SKP2: variants seen among roughly 807,000 people sequenced by gnomAD.
SKP2 encodes the protein S-phase kinase associated protein 2, also known as S-phase kinase-associated protein 2.
A neutral mutation model predicts 51.8 loss-of-function variants in SKP2; 16 were observed. The observed-to-expected ratio is 0.31, with a 90% confidence interval of 0.21 to 0.47. SKP2 has a LOEUF of 0.47. Ranked by LOEUF, SKP2 falls within the 20% of genes least tolerant of loss-of-function variation. The probability of loss-of-function intolerance (pLI) is 1.00; values close to 1 mark genes in which losing one functional copy is unlikely to be tolerated. For missense variants in SKP2, 377 were observed against 505.3 expected (o/e 0.75, Z 2.43); for synonymous variants, 176 against 198.6 (o/e 0.89, Z 0.96).
intron 2 of SKP2, among the ~76,000 whole-genome samples, chr5:36,160,634 A>G (rs1745094159): frequency 6.6e-6 from 1 of 152,222 alleles, no homozygotes; most frequent in Non-Finnish European, 1.5e-5. Flanking sequence ...CAATTACTAG[A>G]TTCTGATCTA....
intron 6 of SKP2, among the ~76,000 whole-genome samples, chr5:36,190,269 C>A (rs1011583746): frequency 6.6e-6 from 1 of 152,058 alleles, no homozygotes; most frequent in African/African-American, 2.4e-5. Flanking sequence ...GAACCCGGTA[C>A]CCCAGTTGGA....
At position 36,177,261 on chromosome 5, in the gene SKP2, C is replaced by G; in HGVS notation, c.1030C>G (p.Arg344Gly). 2 of 1,609,832 alleles carry G rather than the reference C, an allele frequency of 1.2e-6. No homozygotes were observed. The highest frequency in any genetic ancestry group is 8.5e-7 in the Non-Finnish European group (1 of 1,176,520). ...CTACCTCCAACACCTATCACTCAGT[C>G]GGTGCTATGATATAATACCTGAAAC... ...LNYLQHLSLS[R>G]CYDIIPETLL... The change falls in exon 9 of 10, where the codon CGG becomes GGG. Residue 344 changes from arginine to glycine, a missense_variant. Physicochemically the swap from Arg to Gly is moderately radical, Grantham distance 125. This residue lies in a region of SKP2 where 262 missense variants were observed against 389.8 expected (regional missense o/e 0.67). Coordinates refer to ENST00000274255, the MANE Select transcript of SKP2 (RefSeq NM_005983.4).
chr5:36,158,848 A>G (rs1745034455), intron 2 of SKP2, among the ~76,000 whole-genome samples: 1 of 152,126 alleles, frequency 6.6e-6, no homozygotes, highest in African/African-American at 2.4e-5. Context: ...CCCATCTCCC[A>G]GAGACTACAG....
intron 7 of SKP2, among the ~76,000 whole-genome samples, chr5:36,173,870 C>T (rs956397225): frequency 6.6e-6 from 1 of 152,034 alleles, no homozygotes; most frequent in Admixed American, 6.5e-5. Flanking sequence ...AGACTGGTAC[C>T]AGATGGCCTG....
At position 36,183,933 on chromosome 5, in the gene SKP2, G is replaced by A. The variant is rs1411226052; in HGVS notation, c.*1902G>A. The A allele has an allele frequency of 3.1e-6, 5 of 1,611,322 alleles. No individual in the cohort carries two copies. In the Admixed American group the frequency reaches 6.7e-5, roughly 22 times the overall value. ...CTTCCAAACTCAAGTCCAGCCATAA[G>A]CTATTTTGCCAACATGTCAGAGTAA... On this transcript the variant is annotated 3_prime_UTR_variant, in exon 10 of 10. Coordinates refer to ENST00000274255, the MANE Select transcript of SKP2 (RefSeq NM_005983.4).
Position 36,181,965 on chromosome 5 carries a change from C to T in SKP2, c.1209C>T (p.Asn403=). The T allele has an allele frequency of 6.2e-7, 1 of 1,614,090 alleles. No homozygotes were observed. Among genetic ancestry groups the T allele is most frequent in the Non-Finnish European group, 8.5e-7 (1 of 1,179,980 alleles). Residue 403 remains asparagine, a synonymous_variant, in exon 10 of 10, where the codon AAC becomes AAT. Coordinates refer to ENST00000274255, the MANE Select transcript of SKP2 (RefSeq NM_005983.4). ...CCATTGCCAGGCCAACTATTGGCAA[C>T]AAAAAGAACCAGGAGATATGGGGCA... ...FTTIARPTIG[N]KKNQEIWGIK... is the part of the protein sequence containing the mutation.
At position 36,182,156 on chromosome 5, in the gene SKP2, A is replaced by G. The variant is rs148884909; in HGVS notation, c.*125A>G. ...TTTGCCTTCATTCTGCAAGTATACTAGGGAGCCATTTGAGAGGGAAAACTA... is the reference window on the plus strand; with the variant it reads ...TTTGCCTTCATTCTGCAAGTATACTGGGGAGCCATTTGAGAGGGAAAACTA... On this transcript the variant is annotated 3_prime_UTR_variant, in exon 10 of 10. Coordinates refer to ENST00000274255, the MANE Select transcript of SKP2 (RefSeq NM_005983.4). The G allele has an allele frequency of 2.9e-5, 42 of 1,448,224 alleles. No individual in the cohort carries two copies. In the African/African-American group the frequency reaches 3.9e-4, roughly 13 times the overall value. The allele number at this position is 1,448,224 out of a possible 1,614,324, so 89.7% of individuals were successfully genotyped here.
At chr5:36,165,988 T>C (rs922608954) in intron 3 of SKP2, among the ~76,000 whole-genome samples, 2 of 152,204 alleles carry the variant, frequency 1.3e-5, no homozygotes, top group Non-Finnish European at 2.9e-5. Context: ...AAATATATTA[T>C]AAGGCACAGC....
intron 6 of SKP2, among the ~76,000 whole-genome samples, chr5:36,190,308 G>A (rs796722488): frequency 3.9e-5 from 6 of 152,036 alleles, no homozygotes; most frequent in African/African-American, 1.2e-4. Context: ...ATTCTGCGTC[G>A]CTCACACTGG....
chr5:36,187,434 T>C (rs1386706372), downstream of SKP2, among the ~76,000 whole-genome samples: 1 of 151,722 alleles, frequency 6.6e-6, no homozygotes, highest in Non-Finnish European at 1.5e-5. Flanking sequence ...ATATGTTGTG[T>C]CTTTGTTCTC....
At chr5:36,177,314 T>A (rs1745665853) in intron 9 of SKP2, 22 bp downstream of exon 9, 1 of 1,399,704 alleles carries the variant, frequency 7.1e-7, no homozygotes, top group Non-Finnish European at 1.0e-6. Context: ...TTGTTTTTAA[T>A]GCTTAATAGA....
chr5:36,181,984 T>C lies in SKP2; in HGVS notation c.1228T>C (p.Trp410Arg). ...TGGCAACAAAAAGAACCAGGAGATA[T>C]GGGGCATCAAATGCCGACTGACACT... ...TIGNKKNQEI[W>R]GIKCRLTLQK... Residue 410 changes from tryptophan (W) to arginine (R), a missense_variant, in exon 10 of 10, where the codon TGG becomes CGG. This residue lies in a region of SKP2 where 262 missense variants were observed against 389.8 expected (regional missense o/e 0.67). Transcript: ENST00000274255. 1 of 1,614,146 alleles carries C rather than the reference T, an allele frequency of 6.2e-7. No individual in the cohort carries two copies. The highest frequency in any genetic ancestry group is 8.5e-7 in the Non-Finnish European group (1 of 1,179,990).
intron 4 of SKP2, 110 bp downstream of exon 4, chr5:36,166,772 A>G (rs566813883): frequency 1.1e-6 from 1 of 927,052 alleles, no homozygotes; most frequent in Non-Finnish European, 1.6e-6. Context: ...ATGGTAGGTT[A>G]TCTGTGCAGT....
rs1319879278 is a variant in SKP2, at chr5:36,168,319, T to A, written c.543T>A (p.Phe181Leu). ...DQPLAEHFSP[F>L]RVQHMDLSNS... The stretch of plus-strand genomic sequence containing the variant: ...TTTTTCTCTCCGTGTTTAGCCCTTT[T>A]CGTGTACAGCACATGGACCTATCGA... Residue 181 changes from phenylalanine to leucine, a missense_variant, in exon 5 of 10, where the codon TTT becomes TTA. Phe to Leu is a conservative substitution (Grantham distance 22, BLOSUM62 0). This residue lies in a region of SKP2 where 262 missense variants were observed against 389.8 expected (regional missense o/e 0.67). Coordinates refer to ENST00000274255, the MANE Select transcript of SKP2 (RefSeq NM_005983.4). 1 of 1,613,982 alleles carries A rather than the reference T, an allele frequency of 6.2e-7. No homozygotes were observed. The highest frequency in any genetic ancestry group is 1.1e-5 in the South Asian group (1 of 91,006).
chr5:36,160,054 C>A (rs140974488), intron 2 of SKP2, among the ~76,000 whole-genome samples: 325 of 152,324 alleles, frequency 2.1e-3, no homozygotes, highest in African/African-American at 7.6e-3. Flanking sequence ...CTCATTTACT[C>A]TTCACTGAAC....
chr5:36,185,880 C>T (rs1053391373), downstream of SKP2, among the ~76,000 whole-genome samples: 8 of 152,268 alleles, frequency 5.3e-5, no homozygotes, highest in African/African-American at 1.7e-4. Context: ...TCTTCCTATC[C>T]ATGAGCATGG....
chr5:36,166,407 A>G, intron 3 of SKP2, 112 bp from the exon 4 acceptor site: 1 of 851,684 alleles, frequency 1.2e-6, no homozygotes, highest in Non-Finnish European at 1.8e-6. Context: ...GTTCTTTTAG[A>G]ATATGCTTCA....
intron 2 of SKP2, among the ~76,000 whole-genome samples, chr5:36,154,081 T>C (rs189359661): frequency 2.2e-4 from 33 of 152,158 alleles, no homozygotes; most frequent in Non-Finnish European, 4.0e-4. Context: ...ATAAACACAA[T>C]AACTATTTTT....
intron 5 of SKP2, 66 bp from the exon 6 acceptor site, chr5:36,170,278 T>C (rs1288875435): frequency 4.3e-6 from 4 of 927,340 alleles, no homozygotes; most frequent in African/African-American, 1.6e-5. Context: ...CCTGCTTTCA[T>C]CTAAATGTTG....
Sources: allele counts gnomAD v4.1 joint callset (sites outside exome capture counted in the v4.1 genomes callset), GRCh38; gene constraint gnomAD v4.1.1; regional missense constraint gnomAD v4.1.1; transcripts MANE v1.5; gene names NCBI Gene and HGNC (gene_info 2026-07-23, HGNC 2026-07-21).